CNTN4: variants seen among roughly 807,000 people sequenced by gnomAD.
The protein encoded by CNTN4 is contactin-4.
A neutral mutation model predicts 122.5 loss-of-function variants in CNTN4; 77 were observed. That is an observed-to-expected ratio of 0.63 (90% CI 0.52 to 0.76). The LOEUF (loss-of-function observed/expected upper bound fraction) is 0.76. Ranked by LOEUF, CNTN4 falls within the 30% of genes least tolerant of loss-of-function variation. The pLI is 0.00. For missense variants in CNTN4, 1,256 were observed against 1,259.1 expected (o/e 1.00, Z 0.04); for synonymous variants, 512 against 447.0 (o/e 1.15, Z -1.83).
intron 2 of CNTN4, among the ~76,000 whole-genome samples, chr3:2,199,986 A>G (rs1214335507): frequency 6.6e-6 from 1 of 152,206 alleles, no homozygotes; most frequent in African/African-American, 2.4e-5. Context: ...GAGAAATAAA[A>G]AAGATGAGTG....
chr3:2,476,974 A>C (rs1559588737), intron 3 of CNTN4, among the ~76,000 whole-genome samples: 1 of 152,236 alleles, frequency 6.6e-6, no homozygotes, highest in African/African-American at 2.4e-5. Flanking sequence ...TTTGGATGAC[A>C]ACATGCTTTC....
At chr3:2,229,941 G>T (rs367846941) in intron 2 of CNTN4, among the ~76,000 whole-genome samples, 2 of 152,164 alleles carry the variant, frequency 1.3e-5, no homozygotes, top group East Asian at 1.9e-4. Context: ...ATGAGTGAAT[G>T]CATGAGAATG....
intron 13 of CNTN4, among the ~76,000 whole-genome samples, chr3:2,926,950 G>T (rs1377592843): frequency 6.6e-6 from 1 of 152,060 alleles, no homozygotes; most frequent in Admixed American, 6.5e-5. Context: ...TGCTTATTTT[G>T]CAGTCATCAA....
At chr3:2,813,445 G>A (rs1190154882) in intron 6 of CNTN4, among the ~76,000 whole-genome samples, 1 of 152,072 alleles carries the variant, frequency 6.6e-6, no homozygotes, top group Non-Finnish European at 1.5e-5. Flanking sequence ...AATAATACAT[G>A]TATTACATGC....
intron 6 of CNTN4, among the ~76,000 whole-genome samples, chr3:2,771,978 A>G (rs1387968094): frequency 1.3e-5 from 2 of 152,184 alleles, no homozygotes; most frequent in African/African-American, 4.8e-5. Context: ...CTTCATGGAT[A>G]TGCACGGGAC....
At chr3:2,195,100 C>T (rs1489544922) in intron 2 of CNTN4, among the ~76,000 whole-genome samples, 1 of 152,162 alleles carries the variant, frequency 6.6e-6, no homozygotes, top group African/African-American at 2.4e-5. Flanking sequence ...GGGAGCTATC[C>T]TACTATCCTT....
intron 2 of CNTN4, among the ~76,000 whole-genome samples, chr3:2,170,144 A>AC (rs2036421541): frequency 6.7e-6 from 1 of 149,078 alleles, no homozygotes; most frequent in Non-Finnish European, 1.5e-5. Context: ...ACACGGTGAA[A>AC]CCCCGTCTCT....
intron 13 of CNTN4, among the ~76,000 whole-genome samples, chr3:2,975,236 G>T (rs1487880452): frequency 6.6e-6 from 1 of 151,974 alleles, no homozygotes; most frequent in Non-Finnish European, 1.5e-5. Flanking sequence ...AGATCTAATG[G>T]TAAATTTAAA....
At chr3:2,316,777 G>A (rs1011238507) in intron 2 of CNTN4, among the ~76,000 whole-genome samples, 2 of 152,216 alleles carry the variant, frequency 1.3e-5, no homozygotes, top group South Asian at 2.1e-4. Context: ...TTAAGACGCC[G>A]AGCTCTGTGG....
intron 3 of CNTN4, among the ~76,000 whole-genome samples, chr3:2,461,595 G>T (rs939565580): frequency 1.1e-4 from 16 of 152,276 alleles, no homozygotes; most frequent in African/African-American, 3.6e-4. Context: ...CAACATCTGG[G>T]CTGCTCTCTG....
At chr3:2,350,570 GA>G (rs796892707) in intron 3 of CNTN4, among the ~76,000 whole-genome samples, 3,312 of 72,598 alleles carry the variant, frequency 0.046, 126 homozygotes, top group African/African-American at 0.12. Flanking sequence ...CTTAAATAAA[GA>G]AAAAAATAGA....
intron 3 of CNTN4, among the ~76,000 whole-genome samples, chr3:2,467,320 G>T (rs1317487565): frequency 6.6e-6 from 1 of 152,102 alleles, no homozygotes; most frequent in African/African-American, 2.4e-5. Context: ...GCCTCTCAGT[G>T]CAAGGACTGG....
rs536291417 is a variant in CNTN4, at chr3:2,905,775, G to A, written c.1207+2770G>A. ...GAATTCAGGAAAGGGAATTTGGCTA[G>A]GGGGCTGGGCTGGAAAGCTAAGCCC... On this transcript the variant is annotated intron_variant, in intron 12 of 24. Coordinates refer to ENST00000418658, the MANE Select transcript of CNTN4 (RefSeq NM_175607.3). Among the ~76,000 whole-genome samples, 5 of 152,322 alleles carry A rather than the reference G, an allele frequency of 3.3e-5. No homozygotes were observed. In the South Asian group the frequency reaches 1.0e-3, roughly 32 times the overall value.
At chr3:2,109,287 T>G (rs1397982957) in intron 2 of CNTN4, among the ~76,000 whole-genome samples, 1 of 152,142 alleles carries the variant, frequency 6.6e-6, no homozygotes, top group African/African-American at 2.4e-5. Flanking sequence ...GGGACCAAAA[T>G]GCAAATATTT....
At chr3:2,769,994 C>G (rs1451596501) in intron 6 of CNTN4, among the ~76,000 whole-genome samples, 1 of 148,088 alleles carries the variant, frequency 6.8e-6, no homozygotes, top group Non-Finnish European at 1.5e-5. Flanking sequence ...AGTGACTTCT[C>G]TTCCATCTCT....
chr3:2,245,953 C>T (rs1337045197), intron 2 of CNTN4, among the ~76,000 whole-genome samples: 1 of 151,976 alleles, frequency 6.6e-6, no homozygotes, highest in Admixed American at 6.6e-5. Context: ...GCAACAGGCA[C>T]ACAGAGAGAT....
chr3:2,569,898 A>T (rs1350437073), intron 3 of CNTN4, among the ~76,000 whole-genome samples: 1 of 152,156 alleles, frequency 6.6e-6, no homozygotes, highest in Non-Finnish European at 1.5e-5. Flanking sequence ...TATTGCAATT[A>T]TATGAAATTC....
chr3:2,409,543 G>A (rs373063544), intron 3 of CNTN4, among the ~76,000 whole-genome samples: 6 of 151,936 alleles, frequency 3.9e-5, no homozygotes, highest in East Asian at 3.9e-4. Flanking sequence ...CACTGTGCTC[G>A]GCCTCTAGAT....
At chr3:2,382,168 G>A (rs553052895) in intron 3 of CNTN4, among the ~76,000 whole-genome samples, 3 of 147,962 alleles carry the variant, frequency 2.0e-5, no homozygotes, top group Admixed American at 1.3e-4. Flanking sequence ...TCTTCCTATC[G>A]TGATTTTTTT....
Sources: gnomAD v4.1 joint callset for allele counts (sites outside exome capture counted in the v4.1 genomes callset) on GRCh38, gnomAD v4.1.1 for gene constraint, MANE v1.5 for transcripts, NCBI Gene and HGNC (gene_info 2026-07-23, HGNC 2026-07-21) for gene names.